Variants in ANAPC10 observed in about 807,000 individuals in gnomAD.
The protein encoded by ANAPC10 is anaphase-promoting complex subunit 10.
In ANAPC10, 12 loss-of-function variants were observed where a neutral mutation model predicts 22.0. The ratio of observed to expected loss-of-function variants is 0.55; its 90% CI spans 0.35 to 0.88. ANAPC10 has a LOEUF of 0.88. ANAPC10 is among the 40% of genes least tolerant of loss of function. The probability of loss-of-function intolerance (pLI) is 0.01; values close to 1 mark genes in which losing one functional copy is unlikely to be tolerated. For synonymous variants in ANAPC10, 65 were observed against 69.5 expected (o/e 0.94, Z 0.32); for missense variants, 188 against 220.9 (o/e 0.85, Z 0.94).
chr4:145,085,905 C>G (rs1746822671), intron 2 of ANAPC10, among the ~76,000 whole-genome samples: 1 of 151,378 alleles, frequency 6.6e-6, no homozygotes, highest in Non-Finnish European at 1.5e-5. Flanking sequence ...ACTTTGCCGC[C>G]CAGGCTGCAG....
At chr4:145,060,920 GT>G (rs1193938773) in intron 4 of ANAPC10, among the ~76,000 whole-genome samples, 1 of 152,008 alleles carries the variant, frequency 6.6e-6, no homozygotes, top group Non-Finnish European at 1.5e-5. Flanking sequence ...AAGGTAAACA[GT>G]ATAAATCTCA....
At chr4:145,034,763 G>A (rs904652262) in intron 4 of ANAPC10, among the ~76,000 whole-genome samples, 2 of 151,852 alleles carry the variant, frequency 1.3e-5, no homozygotes, top group Admixed American at 6.6e-5. Context: ...CAGGCTGGGT[G>A]GATGTGTGTT....
chr4:145,055,328 C>T (rs1351342973), intron 4 of ANAPC10, among the ~76,000 whole-genome samples: 4 of 152,132 alleles, frequency 2.6e-5, no homozygotes, highest in Non-Finnish European at 5.9e-5. Context: ...GAGGCCGAGG[C>T]GGCCAGATCA....
chr4:145,072,378 T>C (rs1744611952), intron 3 of ANAPC10, among the ~76,000 whole-genome samples: 1 of 152,208 alleles, frequency 6.6e-6, no homozygotes, highest in Non-Finnish European at 1.5e-5. Flanking sequence ...CTCAACTAGC[T>C]GAGAAACTGC....
At chr4:144,997,573 G>C (rs931257921) in intron 4 of ANAPC10, among the ~76,000 whole-genome samples, 1 of 152,208 alleles carries the variant, frequency 6.6e-6, no homozygotes, top group African/African-American at 2.4e-5. Context: ...AAGAGTTCCT[G>C]AAGGAAGCAC....
intron 4 of ANAPC10, among the ~76,000 whole-genome samples, chr4:145,008,363 G>C (rs931011878): frequency 1.3e-5 from 2 of 152,148 alleles, no homozygotes; most frequent in African/African-American, 4.8e-5. Flanking sequence ...TGATACCAAA[G>C]TCTGGCACAG....
At chr4:145,055,364 C>T (rs1031058648) in intron 4 of ANAPC10, among the ~76,000 whole-genome samples, 3 of 152,104 alleles carry the variant, frequency 2.0e-5, no homozygotes, top group Non-Finnish European at 4.4e-5. Context: ...TCGAGACTAG[C>T]CTGCCCAAAA....
intron 4 of ANAPC10, among the ~76,000 whole-genome samples, chr4:145,043,663 T>G (rs918628912): frequency 1.3e-5 from 2 of 152,116 alleles, no homozygotes; most frequent in Non-Finnish European, 2.9e-5. Flanking sequence ...TTGAAGACCA[T>G]TTACAACTTG....
At chr4:145,019,765 C>T (rs1735712396) in intron 4 of ANAPC10, among the ~76,000 whole-genome samples, 1 of 152,078 alleles carries the variant, frequency 6.6e-6, no homozygotes, top group African/African-American at 2.4e-5. Context: ...TTACAACTCA[C>T]ACCACAGAAA....
At chr4:145,034,580 T>TAC in intron 4 of ANAPC10, among the ~76,000 whole-genome samples, 2 of 147,160 alleles carry the variant, frequency 1.4e-5, no homozygotes, top group Admixed American at 1.4e-4. Flanking sequence ...TGTGTGTATA[T>TAC]ATCCCACATA....
intron 4 of ANAPC10, chr4:145,033,032 C>G (rs1218706691): frequency 6.6e-6 from 1 of 152,246 alleles, no homozygotes; most frequent in Non-Finnish European, 1.5e-5. Context: ...ATGGAATTCA[C>G]TGGTCTTACC....
intron 4 of ANAPC10, among the ~76,000 whole-genome samples, chr4:145,029,233 C>A (rs1737192394): frequency 6.6e-6 from 1 of 152,098 alleles, no homozygotes; most frequent in South Asian, 2.1e-4. Flanking sequence ...CCTCCCCGAC[C>A]CACACTGCCA....
At chr4:145,014,412 C>A (rs908077369) in intron 4 of ANAPC10, among the ~76,000 whole-genome samples, 6 of 152,014 alleles carry the variant, frequency 3.9e-5, no homozygotes, top group African/African-American at 1.5e-4. Context: ...TCACCCCTAT[C>A]CCCCACAGCA....
Position 145,038,821 on chromosome 4 carries a change from CAAAAAAAA to C in ANAPC10, c.327+25743_327+25750del, listed in dbSNP as rs140379083. ...TGGGAGACAGAGTGAGACTCTGTCT[CAAAAAAAA>C]AAAAAAAAAAAAAAAAAAAAGGCTA... On this transcript the variant is annotated intron_variant, in intron 4 of 4. Coordinates refer to ENST00000507656, the MANE Select transcript of ANAPC10 (RefSeq NM_001256706.2). Among the ~76,000 whole-genome samples the C allele has an allele frequency of 5.7e-4, 11 of 19,222 alleles. No homozygotes were observed. The African/African-American group carries it at 5.7e-3, about 10-fold the overall frequency. 12.6% of individuals were successfully genotyped at this position (19,222 alleles called of 152,430 possible).
chr4:144,996,118 G>A (rs1169015140), intron 4 of ANAPC10, among the ~76,000 whole-genome samples: 1 of 152,164 alleles, frequency 6.6e-6, no homozygotes, highest in African/African-American at 2.4e-5. Context: ...GCCCAGGCAG[G>A]GAACTCACTC....
rs546013658 is a variant in ANAPC10 at position 145,037,237 on chromosome 4, A to G, written c.327+27335T>C. Among the ~76,000 whole-genome samples the G allele has an allele frequency of 2.6e-5, 4 of 152,314 alleles. No homozygotes were observed. In the East Asian group the frequency reaches 5.8e-4, roughly 22 times the overall value. ...TATTGAAACGTATCTTTTATCTTAG[A>G]ACAAAAATGAAACAGAATTGTATGT... is the stretch of plus-strand genomic sequence containing the variant. On this transcript the variant is annotated intron_variant, in intron 4 of 4. Transcript: ENST00000507656.
intron 4 of ANAPC10, among the ~76,000 whole-genome samples, chr4:145,025,957 A>G (rs1736598728): frequency 6.6e-6 from 1 of 152,188 alleles, no homozygotes; most frequent in African/African-American, 2.4e-5. Flanking sequence ...CCAGTTAGAC[A>G]GATTAAAGAG....
At chr4:145,096,965 G>A (rs1039191774) in intron 1 of ANAPC10, among the ~76,000 whole-genome samples, 5 of 152,086 alleles carry the variant, frequency 3.3e-5, no homozygotes, top group Admixed American at 2.6e-4. Flanking sequence ...AATCCCAGCA[G>A]TTTGGGAGGC....
intron 4 of ANAPC10, among the ~76,000 whole-genome samples, chr4:145,055,599 T>G (rs1741947345): frequency 6.6e-6 from 1 of 151,908 alleles, no homozygotes; most frequent in Non-Finnish European, 1.5e-5. Flanking sequence ...AAGGAAATCC[T>G]GTCACATGAT....
Sources: gnomAD v4.1 joint callset for allele counts (sites outside exome capture counted in the v4.1 genomes callset) on GRCh38, gnomAD v4.1.1 for gene constraint, MANE v1.5 for transcripts, NCBI Gene and HGNC (gene_info 2026-07-23, HGNC 2026-07-21) for gene names.